The following GFPT1 variants were observed in gnomAD, a reference collection of about 807,000 sequenced individuals.
The protein encoded by GFPT1 is glutamine--fructose-6-phosphate transaminase 1, also known as glutamine--fructose-6-phosphate aminotransferase [isomerizing] 1.
GFPT1 carries 40 observed loss-of-function variants against 92.0 expected under a neutral mutation model. The observed-to-expected ratio is 0.43, with a 90% CI of 0.34 to 0.57. The LOEUF is 0.57. GFPT1 is among the 20% of genes least tolerant of loss of function. The pLI, the probability that GFPT1 is intolerant of heterozygous loss-of-function variation, is 0.02. For missense variants in GFPT1, 448 were observed against 869.1 expected (o/e 0.52, Z 6.09); for synonymous variants, 269 against 280.6 (o/e 0.96, Z 0.41).
chr2:69,349,197 T>A (rs1222205737), intron 10 of GFPT1, among the ~76,000 whole-genome samples: 1 of 152,206 alleles, frequency 6.6e-6, no homozygotes, highest in Non-Finnish European at 1.5e-5. Flanking sequence ...GAAGAGCTCC[T>A]AAGGAAAAGT....
At chr2:69,375,810 C>T (rs1671855745) in intron 1 of GFPT1, among the ~76,000 whole-genome samples, 1 of 152,196 alleles carries the variant, frequency 6.6e-6, no homozygotes, top group African/African-American at 2.4e-5. Flanking sequence ...AAATAGCATT[C>T]CCAACCTCAA....
At position 69,387,004 on chromosome 2, in the gene GFPT1, G is replaced by C. The variant is rs1672144357; in HGVS notation, c.7+61C>G. On this transcript the variant is annotated intron_variant, in intron 1 of 19. Transcript: ENST00000357308. ...TCCGCCCGTCGCCTTGGGCCTTAGCGGCACCCGCACCGCACCCCAGCGCCA... is the reference window on the plus strand; with the variant it reads ...TCCGCCCGTCGCCTTGGGCCTTAGCCGCACCCGCACCGCACCCCAGCGCCA... 5 of 1,315,820 alleles carry C rather than the reference G, an allele frequency of 3.8e-6. No individual in the cohort carries two copies. In the South Asian group the frequency reaches 6.3e-5, roughly 16 times the overall value. The allele number at this position is 1,315,820 out of a possible 1,614,324, so 81.5% of individuals were successfully genotyped here. A position where few individuals can be genotyped will look rare whatever the true frequency, so the allele number is the denominator to read the frequency against.
intron 3 of GFPT1, among the ~76,000 whole-genome samples, chr2:69,366,169 C>G (rs1451465412): frequency 6.8e-6 from 1 of 147,036 alleles, no homozygotes; most frequent in African/African-American, 2.7e-5. Flanking sequence ...CTTGCACATG[C>G]TGGCAGGCAA....
chr2:69,377,417 G>A (rs1168304427), intron 1 of GFPT1, among the ~76,000 whole-genome samples: 2 of 150,776 alleles, frequency 1.3e-5, no homozygotes, highest in Non-Finnish European at 2.9e-5. Context: ...TTGGGAGGCC[G>A]AGGCGGGCGG....
At chr2:69,379,082 TA>T (rs1283506193) in intron 1 of GFPT1, among the ~76,000 whole-genome samples, 1 of 152,152 alleles carries the variant, frequency 6.6e-6, no homozygotes, top group African/African-American at 2.4e-5. Flanking sequence ...CTGTCTCTAT[TA>T]AAATTTGAAA....
Position 69,348,898 on chromosome 2 carries a change from C to T in GFPT1, c.846-564G>A, listed in dbSNP as rs188669439. 8.3e-3 allele frequency among the ~76,000 whole-genome samples: 1,257 copies of T among 152,304 alleles called. 9 individuals carry two copies. The highest frequency in any genetic ancestry group is 0.012 in the Non-Finnish European group (834 of 68,020). On this transcript the variant is annotated intron_variant, in intron 10 of 19. Coordinates refer to ENST00000357308, the MANE Select transcript of GFPT1 (RefSeq NM_001244710.2). Reference sequence around the variant, plus strand: ...ACCGTAATCCCTATACCTCCTTCTCCAGCTTCATCTCCCCCCAAGCTTCCT... The same window carrying T: ...ACCGTAATCCCTATACCTCCTTCTCTAGCTTCATCTCCCCCCAAGCTTCCT...
At chr2:69,381,350 G>C (rs998487435) in intron 1 of GFPT1, among the ~76,000 whole-genome samples, 4 of 151,864 alleles carry the variant, frequency 2.6e-5, no homozygotes, top group African/African-American at 9.7e-5. Context: ...TATGCTGTCC[G>C]GGCTGGTATC....
At chr2:69,345,823 G>A in intron 12 of GFPT1, 81 bp downstream of exon 12, 2 of 825,098 alleles carry the variant, frequency 2.4e-6, no homozygotes, top group Non-Finnish European at 4.3e-6. Flanking sequence ...AGGCTATTAA[G>A]GGCAATGAAC....
At chr2:69,372,547 T>C (rs555589396) in intron 2 of GFPT1, among the ~76,000 whole-genome samples, 1 of 151,762 alleles carries the variant, frequency 6.6e-6, no homozygotes, top group Non-Finnish European at 1.5e-5. Context: ...CACTCCAGCC[T>C]GGGTGACAGA....
At chr2:69,352,612 C>CAAAAAAAAA (rs748958210) in intron 9 of GFPT1, among the ~76,000 whole-genome samples, 9 of 47,378 alleles carry the variant, frequency 1.9e-4, no homozygotes, top group African/African-American at 3.8e-4. Flanking sequence ...GACTTCGTCT[C>CAAAAAAAAA]AAAAAAAAAA....
chr2:69,384,421 G>A (rs1464953313), intron 1 of GFPT1, among the ~76,000 whole-genome samples: 1 of 151,908 alleles, frequency 6.6e-6, no homozygotes, highest in Non-Finnish European at 1.5e-5. Context: ...TAATCTTTTA[G>A]GCAAATTTAA....
chr2:69,371,437 T>C (rs560916780), intron 2 of GFPT1: 1 of 152,072 alleles, frequency 6.6e-6, no homozygotes, highest in African/African-American at 2.4e-5. Context: ...AGGAAGAAAC[T>C]TGTAGGAGGC....
chr2:69,357,771 G>A (rs1394691951), intron 6 of GFPT1, among the ~76,000 whole-genome samples: 1 of 152,170 alleles, frequency 6.6e-6, no homozygotes, highest in African/African-American at 2.4e-5. Flanking sequence ...AGGAATGTTG[G>A]ATGGAATCAA....
chr2:69,337,060 A>ATTTT (rs376497924), intron 15 of GFPT1, among the ~76,000 whole-genome samples: 1 of 118,506 alleles, frequency 8.4e-6, no homozygotes, highest in Non-Finnish European at 1.7e-5. Context: ...CAAATTTTAA[A>ATTTT]TTTTTTTTTT....
chr2:69,364,183 G>C (rs998281462), intron 3 of GFPT1, among the ~76,000 whole-genome samples: 10 of 150,260 alleles, frequency 6.7e-5, no homozygotes, highest in Admixed American at 2.6e-4. Context: ...TACCCAGTAA[G>C]TTTACACACC....
At chr2:69,328,014 G>A (rs544283677) in intron 18 of GFPT1, among the ~76,000 whole-genome samples, 49 of 148,918 alleles carry the variant, frequency 3.3e-4, no homozygotes, top group African/African-American at 1.2e-3. Flanking sequence ...CAGGAAAATT[G>A]CCTGAACCCA....
At chr2:69,361,265 T>A (rs1014715156) in intron 4 of GFPT1, among the ~76,000 whole-genome samples, 1 of 151,760 alleles carries the variant, frequency 6.6e-6, no homozygotes, top group Non-Finnish European at 1.5e-5. Context: ...CTAGCCAACA[T>A]GGTGAAACCT....
chr2:69,323,168 A>T lies in GFPT1; in HGVS notation c.*3021T>A, dbSNP rs549806095. 3.3e-5 allele frequency: 5 copies of T among 152,346 alleles called. No individual in the cohort carries two copies. The South Asian group carries it at 8.3e-4, about 25-fold the overall frequency. The allele number at this position is 152,346 out of a possible 1,614,324, so 9.4% of individuals were successfully genotyped here. On this transcript the variant is annotated 3_prime_UTR_variant, in exon 20 of 20. Transcript: ENST00000357308. The stretch of plus-strand genomic sequence containing the variant: ...CTGAAAAACTGATTCCAATGTAATA[A>T]TCACTTACTGGGCCACACGCTAGAT...
chr2:69,380,769 A>T (rs1671990362), intron 1 of GFPT1, among the ~76,000 whole-genome samples: 1 of 152,160 alleles, frequency 6.6e-6, no homozygotes, highest in Non-Finnish European at 1.5e-5. Flanking sequence ...GAACTATGAC[A>T]GCCAAGGAGA....
Sources: gnomAD v4.1 joint callset for allele counts (sites outside exome capture counted in the v4.1 genomes callset) on GRCh38, gnomAD v4.1.1 for gene constraint, MANE v1.5 for transcripts, NCBI Gene and HGNC (gene_info 2026-07-23, HGNC 2026-07-21) for gene names.